The following KMT2C variants were observed in gnomAD, a reference collection of about 807,000 sequenced individuals.
KMT2C encodes the protein lysine methyltransferase 2C.
A neutral mutation model predicts 507.9 loss-of-function variants in KMT2C; 88 were observed. The ratio of observed to expected loss-of-function variants is 0.17; its 90% CI spans 0.15 to 0.21. The LOEUF (loss-of-function observed/expected upper bound fraction) is 0.21. Among genes scored for constraint, KMT2C ranks in the 10% least tolerant of loss-of-function variants. The probability of loss-of-function intolerance (pLI) is 1.00; values close to 1 mark genes in which losing one functional copy is unlikely to be tolerated. For synonymous variants in KMT2C, 2,049 were observed against 2,080.8 expected (o/e 0.98, Z 0.42); for missense variants, 4,954 against 5,957.8 (o/e 0.83, Z 5.55).
At chr7:152,180,602 GAATA>G (rs1275543523) in intron 36 of KMT2C, 105 bp downstream of exon 36, 22 of 843,658 alleles carry the variant, frequency 2.6e-5, no homozygotes, top group Admixed American at 9.1e-5. Flanking sequence ...AAACTCTACA[GAATA>G]AAAAAAATAA....
chr7:152,159,593 A>G (rs2129102029), intron 43 of KMT2C, among the ~76,000 whole-genome samples: 1 of 152,352 alleles, frequency 6.6e-6, no homozygotes, highest in South Asian at 2.1e-4. Context: ...TAAAAAGAAA[A>G]AACACTGGTT....
chr7:152,290,075 C>T, intron 6 of KMT2C, among the ~76,000 whole-genome samples: 1 of 147,960 alleles, frequency 6.8e-6, no homozygotes, highest in East Asian at 2.0e-4. Context: ...AACAAACAAA[C>T]AAAAACAACC....
In KMT2C at chr7:152,136,345, AAGTT is replaced by A. The variant is rs2089870276; in HGVS notation, c.*483_*486del. On this transcript the variant is annotated 3_prime_UTR_variant, in exon 59 of 59. Transcript: ENST00000262189. Reference sequence around the variant, plus strand: ...GTCTACTTTATTTAAAAACATTTTGAAGTTAGAGGGCCTGCCCCTTTTTAATAAG... The same window carrying A: ...GTCTACTTTATTTAAAAACATTTTGAAGAGGGCCTGCCCCTTTTTAATAAG... 4.5e-6 allele frequency: 1 copy of A among 219,884 alleles called. No individual in the cohort carries two copies. The highest frequency in any genetic ancestry group is 9.1e-6 in the Non-Finnish European group (1 of 109,652). 13.6% of individuals were successfully genotyped at this position (219,884 alleles called of 1,614,324 possible).
intron 1 of KMT2C, among the ~76,000 whole-genome samples, chr7:152,426,769 C>T (rs1483565127): frequency 2.0e-5 from 3 of 152,106 alleles, no homozygotes; most frequent in African/African-American, 4.8e-5. Flanking sequence ...ATTATTACGT[C>T]CTCTCTACAG....
intron 44 of KMT2C, 108 bp downstream of exon 44, chr7:152,158,755 T>TTGAG (rs1587778204): frequency 2.1e-6 from 2 of 951,902 alleles, no homozygotes; most frequent in East Asian, 4.8e-5. Context: ...CCTCAAGTGA[T>TTGAG]CCACCTGCCT....
chr7:152,422,882 GC>G (rs1401883723), intron 1 of KMT2C, among the ~76,000 whole-genome samples: 2 of 151,924 alleles, frequency 1.3e-5, no homozygotes, highest in Admixed American at 6.6e-5. Context: ...AATTAGCCAG[GC>G]ATGGTGGCCT....
chr7:152,373,238 ATAT>A (rs1334092064), intron 1 of KMT2C, among the ~76,000 whole-genome samples: 2 of 152,238 alleles, frequency 1.3e-5, no homozygotes, highest in South Asian at 4.1e-4. Flanking sequence ...GATCAAAAAA[ATAT>A]TATTTGTTTA....
chr7:152,370,176 G>A (rs1308843125), intron 1 of KMT2C, among the ~76,000 whole-genome samples: 4 of 151,568 alleles, frequency 2.6e-5, no homozygotes, highest in Admixed American at 6.6e-5. Flanking sequence ...CCTGGACAAC[G>A]GAGGGAGACT....
intron 1 of KMT2C, among the ~76,000 whole-genome samples, chr7:152,361,153 TAA>T (rs1277522010): frequency 3.3e-5 from 5 of 151,966 alleles, no homozygotes; most frequent in African/African-American, 1.2e-4. Flanking sequence ...CAGAACTAAA[TAA>T]AAAGACTACA....
chr7:152,305,424 T>C (rs2096607375), intron 6 of KMT2C, among the ~76,000 whole-genome samples: 1 of 152,170 alleles, frequency 6.6e-6, no homozygotes, highest in South Asian at 2.1e-4. Context: ...GTCTGCGTAC[T>C]TGAGTAAGAC....
intron 57 of KMT2C, 129 bp from the exon 58 acceptor site, chr7:152,139,033 T>C (rs2090204404): frequency 1.0e-6 from 1 of 988,548 alleles, no homozygotes; most frequent in African/African-American, 1.6e-5. Context: ...AGCACAAATA[T>C]AACATTTAAA....
chr7:152,224,786 C>A (rs879363649), intron 18 of KMT2C, among the ~76,000 whole-genome samples, 170 bp from the exon 19 acceptor site: 1 of 152,136 alleles, frequency 6.6e-6, no homozygotes, highest in South Asian at 2.1e-4. Context: ...TGTTCATACA[C>A]GCTTTTAGAA....
chr7:152,196,348 T>C lies in KMT2C; in HGVS notation c.4274-337A>G, dbSNP rs112924423. ...ATTAAGAAAGTGGCATGTCTAAAAG[T>C]GACATTGAGAAATTAAAACACAGTA... On this transcript the variant is annotated intron_variant, in intron 27 of 58. Coordinates refer to ENST00000262189, the MANE Select transcript of KMT2C (RefSeq NM_170606.3). Among the ~76,000 whole-genome samples, 1,476 of 152,176 alleles carry C rather than the reference T, an allele frequency of 9.7e-3. 29 individuals carry two copies. The highest frequency in any genetic ancestry group is 0.034 in the African/African-American group (1,419 of 41,498).
intron 6 of KMT2C, among the ~76,000 whole-genome samples, chr7:152,287,102 A>G (rs574018060): frequency 4.6e-5 from 7 of 152,338 alleles, no homozygotes; most frequent in East Asian, 3.9e-4. Flanking sequence ...ATACCCACTG[A>G]GCAGTAACGC....
rs1467374588 is a variant in KMT2C, at chr7:152,135,897, C to T, written c.*935G>A. The T allele has an allele frequency of 8.6e-6, 2 of 231,282 alleles. No homozygotes were observed. Among genetic ancestry groups the T allele is most frequent in the East Asian group, 6.2e-5 (1 of 16,234 alleles). The allele number at this position is 231,282 out of a possible 1,614,324, so 14.3% of individuals were successfully genotyped here. A position where few individuals can be genotyped will look rare whatever the true frequency, so the allele number is the denominator to read the frequency against. On this transcript the variant is annotated 3_prime_UTR_variant, in exon 59 of 59. Transcript: ENST00000262189. ...TGCGGTTTCCAAAAAACCCCCAACACTCTAGGTTGAAATTTTGGTTATTAC... is the reference window on the plus strand; with the variant it reads ...TGCGGTTTCCAAAAAACCCCCAACATTCTAGGTTGAAATTTTGGTTATTAC...
At chr7:152,341,121 C>T (rs955217697) in intron 2 of KMT2C, among the ~76,000 whole-genome samples, 7 of 152,208 alleles carry the variant, frequency 4.6e-5, no homozygotes, top group Middle Eastern at 3.4e-3. Context: ...TTTATTTAGG[C>T]CTTAAAAACA....
chr7:152,397,334 A>G (rs1336362037), intron 1 of KMT2C, among the ~76,000 whole-genome samples: 1 of 151,848 alleles, frequency 6.6e-6, no homozygotes, highest in African/African-American at 2.4e-5. Flanking sequence ...AGCTTTCCAA[A>G]CACTTCTGAT....
chr7:152,323,838 GAGA>G (rs2096797398), intron 3 of KMT2C, among the ~76,000 whole-genome samples: 1 of 146,008 alleles, frequency 6.8e-6, no homozygotes, highest in African/African-American at 2.5e-5. Flanking sequence ...GAAGAGTGGG[GAGA>G]GAGAGAGAGA....
intron 2 of KMT2C, among the ~76,000 whole-genome samples, chr7:152,344,000 A>G (rs572379307): frequency 6.6e-6 from 1 of 152,350 alleles, no homozygotes; most frequent in Non-Finnish European, 1.5e-5. Context: ...ATTTTAAAAA[A>G]AAACTTTTTT....
Sources: allele counts gnomAD v4.1 joint callset (sites outside exome capture counted in the v4.1 genomes callset), GRCh38; gene constraint gnomAD v4.1.1; transcripts MANE v1.5; gene names NCBI Gene and HGNC (gene_info 2026-07-23, HGNC 2026-07-21).